CLIP2: variants seen among roughly 807,000 people sequenced by gnomAD.
CLIP2 encodes the protein CAP-Gly domain-containing linker protein 2.
CLIP2 carries 41 observed loss-of-function variants against 111.7 expected under a neutral mutation model. That is an observed-to-expected ratio of 0.37 (90% confidence interval 0.29 to 0.48). The LOEUF (loss-of-function observed/expected upper bound fraction) is 0.48, where lower values mean the gene tolerates loss of function less well. Among genes scored for constraint, CLIP2 ranks in the 20% least tolerant of loss-of-function variants. CLIP2 has a pLI of 0.99. For synonymous variants in CLIP2, 660 were observed against 644.2 expected (o/e 1.02, Z -0.37); for missense variants, 1,160 against 1,422.1 (o/e 0.82, Z 2.96).
At chr7:74,396,677 C>A (rs377007672) in intron 13 of CLIP2, among the ~76,000 whole-genome samples, 1 of 152,112 alleles carries the variant, frequency 6.6e-6, no homozygotes, top group Non-Finnish European at 1.5e-5. Flanking sequence ...CTTACCACCA[C>A]GACTGGCTAA....
chr7:74,386,867 A>G (rs1554314901), intron 12 of CLIP2, among the ~76,000 whole-genome samples: 1 of 152,026 alleles, frequency 6.6e-6, no homozygotes, highest in African/African-American at 2.4e-5. Flanking sequence ...TACTAAAAAT[A>G]CAAAAATTAG....
Position 74,338,539 on chromosome 7 carries a change from G to T in CLIP2, c.213G>T (p.Val71=), listed in dbSNP as rs138612948. Residue 71 remains valine, a synonymous_variant, in exon 3 of 17, where the codon GTG becomes GTT. Coordinates refer to ENST00000223398, the MANE Select transcript of CLIP2 (RefSeq NM_003388.5). The surrounding 1 kb of genome is among the most constrained non-coding windows in gnomAD (Gnocchi z 4.3). ...AGCCGGGCCCCAAGGCGGCGGAAGT[G>T]GGGGATGACTTCCTGGGGGACTTTG... is the stretch of plus-strand genomic sequence containing the variant. The part of the protein sequence containing the change: ...PEKPGPKAAE[V]GDDFLGDFVV... The T allele has an allele frequency of 2.4e-4, 383 of 1,601,374 alleles. No homozygotes were observed. The highest frequency in any genetic ancestry group is 8.1e-4 in the Admixed American group (47 of 57,976).
At chr7:74,383,719 A>G (rs782029829) in intron 11 of CLIP2, among the ~76,000 whole-genome samples, 2 of 152,176 alleles carry the variant, frequency 1.3e-5, no homozygotes, top group Non-Finnish European at 2.9e-5. Flanking sequence ...TTACACCTGT[A>G]ATTCCAGCAC....
At chr7:74,355,390 A>C (rs557011330) in intron 4 of CLIP2, among the ~76,000 whole-genome samples, 1 of 152,268 alleles carries the variant, frequency 6.6e-6, no homozygotes, top group African/African-American at 2.4e-5. Flanking sequence ...CTGGAGGATC[A>C]CTTGAAGCCA....
intron 8 of CLIP2, among the ~76,000 whole-genome samples, chr7:74,371,187 T>A (rs191231014): frequency 7.4e-6 from 1 of 134,894 alleles, no homozygotes; most frequent in East Asian, 2.2e-4. Flanking sequence ...GAGGTTGCAG[T>A]GAGCCGAGAT....
intron 11 of CLIP2, 128 bp downstream of exon 11, chr7:74,380,991 T>A: frequency 1.1e-6 from 1 of 889,770 alleles, no homozygotes; most frequent in Non-Finnish European, 1.9e-6. Flanking sequence ...CTGTGTGCTG[T>A]GAGCTATGTA....
At chr7:74,316,304 G>T (rs574201808) in intron 1 of CLIP2, among the ~76,000 whole-genome samples, 1 of 152,132 alleles carries the variant, frequency 6.6e-6, no homozygotes, top group South Asian at 2.1e-4. Flanking sequence ...GAGTGCAGTG[G>T]TGCCGTCATA....
intron 3 of CLIP2, among the ~76,000 whole-genome samples, chr7:74,341,010 G>A (rs1356570915): frequency 6.6e-6 from 1 of 152,076 alleles, no homozygotes. Context: ...CCTGGCAAAG[G>A]TTTCTCCTGG....
chr7:74,324,243 C>T (rs996016734), intron 2 of CLIP2, among the ~76,000 whole-genome samples: 5 of 152,298 alleles, frequency 3.3e-5, no homozygotes, highest in Non-Finnish European at 7.4e-5. Context: ...CCTCCCGCCT[C>T]GGCCTCCCAA....
intron 3 of CLIP2, among the ~76,000 whole-genome samples, chr7:74,352,082 T>C (rs1341787199): frequency 6.6e-6 from 1 of 152,080 alleles, no homozygotes; most frequent in Non-Finnish European, 1.5e-5. Flanking sequence ...TCTGAGCATC[T>C]TGGCAGGAGA....
chr7:74,331,148 G>T (rs1208400448), intron 2 of CLIP2, among the ~76,000 whole-genome samples: 3 of 129,616 alleles, frequency 2.3e-5, no homozygotes, highest in African/African-American at 8.9e-5. Context: ...AGAGGTTGCA[G>T]TGAGCCGAGA....
intron 2 of CLIP2, among the ~76,000 whole-genome samples, chr7:74,334,308 C>T (rs1789386601): frequency 2.0e-5 from 3 of 152,176 alleles, no homozygotes; most frequent in Admixed American, 2.0e-4. Context: ...CGAAGTATCA[C>T]GTGCAGTTGC....
At chr7:74,394,539 C>CT (rs1791394432) in intron 13 of CLIP2, among the ~76,000 whole-genome samples, 1 of 152,166 alleles carries the variant, frequency 6.6e-6, no homozygotes, top group Non-Finnish European at 1.5e-5. Flanking sequence ...CGTGGGCCAC[C>CT]GCCCCGGGCC....
intron 1 of CLIP2, among the ~76,000 whole-genome samples, chr7:74,314,948 G>A (rs145837266): frequency 6.6e-6 from 1 of 152,120 alleles, no homozygotes; most frequent in Non-Finnish European, 1.5e-5. Context: ...GTAAAGCGCT[G>A]GTGCTCCTAT....
At chr7:74,300,685 T>A (rs970907960) in intron 1 of CLIP2, among the ~76,000 whole-genome samples, 16 of 152,034 alleles carry the variant, frequency 1.1e-4, no homozygotes, top group African/African-American at 3.9e-4. Context: ...CTTGATCTCC[T>A]GACCTCATGA....
Position 74,400,923 on chromosome 7 carries a change from G to T in CLIP2, c.3066+368G>T, listed in dbSNP as rs73705368. 7.3e-3 allele frequency among the ~76,000 whole-genome samples: 1,116 copies of T among 151,900 alleles called. 15 individuals are homozygous for T. The highest frequency in any genetic ancestry group is 0.026 in the African/African-American group (1,079 of 41,420). ...TGTCCCAGAAGCCCCCGGTCTGAAG[G>T]GGGAGGTAGCTCTGTCCCGGGAACC... On this transcript the variant is annotated intron_variant, in intron 15 of 16. Transcript: ENST00000223398.
intron 1 of CLIP2, among the ~76,000 whole-genome samples, chr7:74,290,936 C>T (rs1215608791): frequency 6.6e-6 from 1 of 152,026 alleles, no homozygotes; most frequent in Non-Finnish European, 1.5e-5. Context: ...TAGAGGGGGT[C>T]CCCTGGAGGA....
intron 1 of CLIP2, among the ~76,000 whole-genome samples, chr7:74,296,878 A>C (rs1044764037): frequency 1.3e-5 from 2 of 152,020 alleles, no homozygotes; most frequent in Non-Finnish European, 2.9e-5. Context: ...TGTGAACGCT[A>C]CATCTCTGTT....
At chr7:74,318,957 G>C (rs1279546824) in intron 2 of CLIP2, among the ~76,000 whole-genome samples, 1 of 152,150 alleles carries the variant, frequency 6.6e-6, no homozygotes, top group Non-Finnish European at 1.5e-5. Context: ...GGCAGGACAG[G>C]GTCCCTGGCA....
Sources: gnomAD v4.1 joint callset for allele counts (sites outside exome capture counted in the v4.1 genomes callset) on GRCh38, gnomAD v4.1.1 for gene constraint, Gnocchi (gnomAD v3.1) non-coding constraint, MANE v1.5 for transcripts, NCBI Gene and HGNC (gene_info 2026-07-23, HGNC 2026-07-21) for gene names.